Variants in LRRC71 observed in about 807,000 individuals in gnomAD.
LRRC71 encodes the protein leucine rich repeat containing 71.
In LRRC71, 54 loss-of-function variants were observed where a neutral mutation model predicts 66.6. The observed-to-expected ratio is 0.81, with a 90% CI of 0.65 to 1.02. The LOEUF (loss-of-function observed/expected upper bound fraction) is 1.02. Ranked by LOEUF, LRRC71 falls within the 50% of genes least tolerant of loss-of-function variation. The probability of loss-of-function intolerance (pLI) is 0.00; values close to 1 mark genes in which losing one functional copy is unlikely to be tolerated. For synonymous variants in LRRC71, 323 were observed against 303.9 expected (o/e 1.06, Z -0.65); for missense variants, 724 against 718.0 (o/e 1.01, Z -0.10).
At chr1:156,930,056 T>A (rs1654076783) in intron 11 of LRRC71, among the ~76,000 whole-genome samples, 1 of 109,808 alleles carries the variant, frequency 9.1e-6, no homozygotes, top group Non-Finnish European at 1.9e-5. Flanking sequence ...CTTTCTTTCT[T>A]TCTTTTTCTT....
intron 1 of LRRC71, among the ~76,000 whole-genome samples, chr1:156,921,183 A>C (rs1206668699): frequency 6.6e-6 from 1 of 152,206 alleles, no homozygotes; most frequent in Non-Finnish European, 1.5e-5. Context: ...TAAGATATAG[A>C]AGAGAGGAAG....
At chr1:156,933,917 TCTTA>T (rs1654697681), downstream of LRRC71, among the ~76,000 whole-genome samples, 1 of 152,204 alleles carries the variant, frequency 6.6e-6, no homozygotes, top group African/African-American at 2.4e-5. Context: ...TGTCCTGCTG[TCTTA>T]CTTTGTGTGG....
At chr1:156,933,961 T>C (rs1315729680), downstream of LRRC71, among the ~76,000 whole-genome samples, 1 of 152,220 alleles carries the variant, frequency 6.6e-6, no homozygotes, top group Non-Finnish European at 1.5e-5. Context: ...GTCTCCTGCC[T>C]CTGAGTGCCT....
chr1:156,927,776 A>G lies in LRRC71; in HGVS notation c.866A>G (p.His289Arg). 6.2e-7 allele frequency: 1 copy of G among 1,612,424 alleles called. No homozygotes were observed. Among genetic ancestry groups the G allele is most frequent in the Non-Finnish European group, 8.5e-7 (1 of 1,179,736 alleles). ...TCCCTGCTCTGGCTGTCCCTGGCCC[A>G]CAACCGCATCCAGGACAAGGGCGCC... The part of the protein sequence containing the change: ...NRSLLWLSLA[H>R]NRIQDKGALK... Residue 289 changes from histidine to arginine, a missense_variant, in exon 8 of 15, where the codon CAC becomes CGC. Physicochemically the swap from His to Arg is conservative, Grantham distance 29. Transcript: ENST00000337428.
In LRRC71 at chr1:156,927,510, C is replaced by G. The variant is rs749188067; in HGVS notation, c.677C>G (p.Ser226Cys). 2 of 1,532,670 alleles carry G rather than the reference C, an allele frequency of 1.3e-6. No homozygotes were observed. The highest frequency in any genetic ancestry group is 2.6e-5 in the South Asian group (2 of 77,854). The allele number at this position is 1,532,670 out of a possible 1,614,324, so 94.9% of individuals were successfully genotyped here. A position where few individuals can be genotyped will look rare whatever the true frequency, so the allele number is the denominator to read the frequency against. ...MALDSTIAHL[S>C]LRNNNIDDRG... ...GGCTGCCCCAGGATTGCGCACTTGTCTCTGCGGAACAATAACATCGACGAC... is the reference window on the plus strand; with the variant it reads ...GGCTGCCCCAGGATTGCGCACTTGTGTCTGCGGAACAATAACATCGACGAC... Residue 226 changes from serine to cysteine, a missense_variant, in exon 7 of 15, where the codon TCT becomes TGT. Ser to Cys is a moderately radical substitution (Grantham distance 112). Coordinates refer to ENST00000337428, the MANE Select transcript of LRRC71 (RefSeq NM_144702.3).
In LRRC71 at chr1:156,930,060, T is replaced by TTCTTTTTCTTTCTTTCTTTTTCTTTC. The variant is rs746194831; in HGVS notation, c.1240+332_1240+333insCTTTTTCTTTCTTTCTTTTTCTTTCT. On this transcript the variant is annotated intron_variant, in intron 11 of 14. Coordinates refer to ENST00000337428, the MANE Select transcript of LRRC71 (RefSeq NM_144702.3). Reference sequence around the variant, plus strand: ...TCTTTCTTTCTCTTTCTTTCTTTCTTTTTCTTTCTTTCTTTCTTTTCTTTC... The same window carrying TTCTTTTTCTTTCTTTCTTTTTCTTTC: ...TCTTTCTTTCTCTTTCTTTCTTTCTTTCTTTTTCTTTCTTTCTTTTTCTTTCTTTCTTTCTTTCTTTCTTTTCTTTC... 2.1e-3 allele frequency among the ~76,000 whole-genome samples: 269 copies of TTCTTTTTCTTTCTTTCTTTTTCTTTC among 126,174 alleles called. 3 individuals are homozygous for TTCTTTTTCTTTCTTTCTTTTTCTTTC. In the East Asian group the frequency reaches 0.03, roughly 14 times the overall value. The allele number at this position is 126,174 out of a possible 152,430, so 82.8% of individuals were successfully genotyped here. A position where few individuals can be genotyped will look rare whatever the true frequency, so the allele number is the denominator to read the frequency against.
intron 12 of LRRC71, among the ~76,000 whole-genome samples, chr1:156,931,679 T>G (rs957439906): frequency 6.6e-6 from 1 of 152,148 alleles, no homozygotes; most frequent in Non-Finnish European, 1.5e-5. Flanking sequence ...CCCACAGTGC[T>G]CTGAGCTTGC....
chr1:156,939,529 A>C, the LRRC71 span: 1 of 1,607,054 alleles, frequency 6.2e-7, no homozygotes, highest in Non-Finnish European at 8.5e-7. Context: ...TCCCCACTGG[A>C]CACTCCCATT....
rs771759518 is a variant in LRRC71, at chr1:156,924,699, A to C, written c.496A>C (p.Thr166Pro). The C allele has an allele frequency of 6.4e-6, 10 of 1,551,492 alleles. No individual in the cohort carries two copies. Among genetic ancestry groups the C allele is most frequent in the Non-Finnish European group, 8.7e-6 (10 of 1,146,998 alleles). ...CTTCTCTAAATGTCTGCCCCCGCTT[A>C]CCCAGCTACAGGCCATCAAGTGAGA... ...GVFSKCLPPL[T>P]QLQAINLWKV... The change falls in exon 4 of 15, where the codon ACC becomes CCC. Residue 166 changes from threonine (T) to proline (P), a missense_variant. By Grantham distance (38) the Thr-to-Pro change is conservative. Coordinates refer to ENST00000337428, the MANE Select transcript of LRRC71 (RefSeq NM_144702.3).
At chr1:156,932,349 C>T (rs1490691500) in intron 13 of LRRC71, 75 bp from the exon 14 acceptor site, 5 of 1,215,872 alleles carry the variant, frequency 4.1e-6, no homozygotes, top group African/African-American at 1.5e-5. Context: ...AACTGGGATG[C>T]TGGGGATGTC....
chr1:156,920,943 A>T lies in LRRC71; in HGVS notation c.140A>T (p.Glu47Val). ...GCGACCGTTCTGCCTCCCGTGGGGG[A>T]GGAGGAGCCCAAAAGCCCTGGTACG... ...KPATVLPPVG[E>V]EEPKSPEEYQ... The change falls in exon 1 of 15, where the codon GAG (glutamate) becomes GTG (valine). Residue 47 changes from glutamate (E) to valine (V), a missense_variant. Transcript: ENST00000337428. This position sits in a 1 kb window ranked among gnomAD's most constrained non-coding sequence, Gnocchi z 4.9. 6.5e-7 allele frequency: 1 copy of T among 1,533,306 alleles called. No homozygotes were observed. The highest frequency in any genetic ancestry group is 8.8e-7 in the Non-Finnish European group (1 of 1,138,332). The allele number at this position is 1,533,306 out of a possible 1,614,324, so 95.0% of individuals were successfully genotyped here. A position where few individuals can be genotyped will look rare whatever the true frequency, so the allele number is the denominator to read the frequency against.
chr1:156,924,582 C>T (rs1321535053), intron 3 of LRRC71, 30 bp downstream of exon 3: 43 of 1,376,376 alleles, frequency 3.1e-5, no homozygotes. Context: ...CCCGCCCCAG[C>T]TCCCTCCCGC....
At chr1:156,922,824 T>G (rs1439819780) in intron 1 of LRRC71, among the ~76,000 whole-genome samples, 1 of 152,178 alleles carries the variant, frequency 6.6e-6, no homozygotes, top group Non-Finnish European at 1.5e-5. Flanking sequence ...CTCCAGGTGA[T>G]TTTTAAGATG....
chr1:156,924,761 T>C (rs1387396682), intron 4 of LRRC71, 43 bp downstream of exon 4: 25 of 1,546,032 alleles, frequency 1.6e-5, no homozygotes, highest in South Asian at 3.6e-5. Flanking sequence ...AGAGTGGGAG[T>C]TGGGGCTCCT....
chr1:156,921,862 A>G (rs1042154581), intron 1 of LRRC71, among the ~76,000 whole-genome samples: 2 of 152,120 alleles, frequency 1.3e-5, no homozygotes, highest in African/African-American at 4.8e-5. Flanking sequence ...GAGTTGGGAT[A>G]GGGCAGTGAG....
downstream of LRRC71, among the ~76,000 whole-genome samples, chr1:156,937,657 C>T (rs1411158615): frequency 2.6e-5 from 4 of 152,182 alleles, no homozygotes; most frequent in Admixed American, 2.6e-4. Flanking sequence ...TGCCAGCCCC[C>T]TAAAAGCCCT....
In LRRC71 at chr1:156,927,279, C is replaced by G. The variant is rs762984780; in HGVS notation, c.662+9C>G. The G allele has an allele frequency of 1.2e-5, 19 of 1,612,918 alleles. No homozygotes were observed. The highest frequency in any genetic ancestry group is 1.6e-5 in the Non-Finnish European group (19 of 1,179,192). On this transcript the variant is annotated intron_variant, in intron 6 of 14. Transcript: ENST00000337428. ...ATGGCCTTGGACAGCACGTGAGACT[C>G]CCTGCCCTCACCCCCTTTCTCTGGG...
the LRRC71 span, chr1:156,939,896 G>A: frequency 6.2e-7 from 1 of 1,605,346 alleles, no homozygotes; most frequent in Non-Finnish European, 8.5e-7. Flanking sequence ...AGGATCAGAT[G>A]TCGCAGGTTC....
chr1:156,934,472 C>G (rs185582997), downstream of LRRC71, among the ~76,000 whole-genome samples: 1 of 152,028 alleles, frequency 6.6e-6, no homozygotes. Context: ...TCATTGAGGG[C>G]AGCTCATGAG....
Sources: allele counts gnomAD v4.1 joint callset (sites outside exome capture counted in the v4.1 genomes callset), GRCh38; gene constraint gnomAD v4.1.1; non-coding constraint Gnocchi (gnomAD v3.1); transcripts MANE v1.5; gene names NCBI Gene and HGNC (gene_info 2026-07-23, HGNC 2026-07-21).